Variants in MARCHF1 observed in about 807,000 individuals in gnomAD.
MARCHF1 encodes the protein membrane associated ring-CH-type finger 1.
A neutral mutation model predicts 54.2 loss-of-function variants in MARCHF1; 40 were observed. The ratio of observed to expected loss-of-function variants is 0.74; its 90% CI spans 0.57 to 0.96. MARCHF1 has a LOEUF of 0.96. Among genes scored for constraint, MARCHF1 ranks in the 40% least tolerant of loss-of-function variants. MARCHF1 has a pLI of 0.00. For missense variants in MARCHF1, 586 were observed against 656.5 expected (o/e 0.89, Z 1.17); for synonymous variants, 236 against 236.3 (o/e 1.00, Z 0.01).
At chr4:163,727,317 T>C (rs1205315136) in intron 4 of MARCHF1, among the ~76,000 whole-genome samples, 1 of 149,616 alleles carries the variant, frequency 6.7e-6, no homozygotes, top group Admixed American at 6.7e-5. Context: ...TTTTTTTCTT[T>C]TTTTTTTTTT....
chr4:163,941,793 A>C (rs866042550), intron 3 of MARCHF1, among the ~76,000 whole-genome samples: 35 of 152,298 alleles, frequency 2.3e-4, no homozygotes, highest in African/African-American at 7.9e-4. Context: ...CATTCAACAT[A>C]TGGAAAGTAC....
intron 4 of MARCHF1, among the ~76,000 whole-genome samples, chr4:163,751,702 C>T (rs1293945941): frequency 6.6e-6 from 1 of 152,034 alleles, no homozygotes; most frequent in Non-Finnish European, 1.5e-5. Flanking sequence ...CAGAGAAATG[C>T]ACTTAACATT....
chr4:164,224,276 C>T (rs7668234), intron 1 of MARCHF1, among the ~76,000 whole-genome samples: 140,734 of 151,692 alleles, frequency 0.93, 65,335 homozygotes, highest in African/African-American at 0.94. Context: ...TCATCATCTA[C>T]CATTAGCATT....
At chr4:163,904,086 A>G (rs1388328083) in intron 3 of MARCHF1, among the ~76,000 whole-genome samples, 1 of 152,202 alleles carries the variant, frequency 6.6e-6, no homozygotes, top group African/African-American at 2.4e-5. Flanking sequence ...TGTCATACTT[A>G]TAAGAATTAC....
At chr4:163,814,749 C>CA (rs894841033) in intron 4 of MARCHF1, among the ~76,000 whole-genome samples, 4 of 152,082 alleles carry the variant, frequency 2.6e-5, no homozygotes, top group Non-Finnish European at 5.9e-5. Context: ...TGGCTTTGGA[C>CA]AAATCATTTA....
chr4:163,926,653 AT>A (rs1751544646), intron 3 of MARCHF1, among the ~76,000 whole-genome samples: 1 of 151,688 alleles, frequency 6.6e-6, no homozygotes, highest in Admixed American at 6.6e-5. Flanking sequence ...AATATCAGTA[AT>A]TTTAAAAATG....
At chr4:163,905,043 T>C (rs1434426819) in intron 3 of MARCHF1, among the ~76,000 whole-genome samples, 1 of 152,156 alleles carries the variant, frequency 6.6e-6, no homozygotes, top group Non-Finnish European at 1.5e-5. Flanking sequence ...ATAAAAATTA[T>C]GTTCCATGTT....
chr4:163,705,479 C>G (rs1383535774), intron 4 of MARCHF1, among the ~76,000 whole-genome samples: 2 of 151,772 alleles, frequency 1.3e-5, no homozygotes, highest in Non-Finnish European at 2.9e-5. Context: ...CTAAAATTCC[C>G]AAAGAATAGA....
chr4:163,700,571 AGG>A (rs1744780804), intron 5 of MARCHF1, among the ~76,000 whole-genome samples: 1 of 151,500 alleles, frequency 6.6e-6, no homozygotes, highest in Admixed American at 6.6e-5. Flanking sequence ...GAAGGAAGGA[AGG>A]AAGGAAGGAA....
chr4:163,792,515 TTATATA>T (rs941283198), intron 4 of MARCHF1, among the ~76,000 whole-genome samples: 1 of 152,012 alleles, frequency 6.6e-6, no homozygotes, highest in South Asian at 2.1e-4. Flanking sequence ...TAAATTTGAA[TTATATA>T]TATATAATTC....
At chr4:163,904,476 C>A (rs2111316028) in intron 3 of MARCHF1, among the ~76,000 whole-genome samples, 1 of 152,198 alleles carries the variant, frequency 6.6e-6, no homozygotes, top group African/African-American at 2.4e-5. Context: ...CCAACAGGGA[C>A]AACAAACAGT....
intron 1 of MARCHF1, among the ~76,000 whole-genome samples, chr4:164,293,539 T>C (rs1013248734): frequency 2.0e-5 from 3 of 152,324 alleles, no homozygotes; most frequent in African/African-American, 7.2e-5. Flanking sequence ...TCAAATAAAC[T>C]CTGCTAAATG....
intron 1 of MARCHF1, among the ~76,000 whole-genome samples, chr4:164,322,440 G>T (rs756101248): frequency 1.3e-5 from 2 of 151,920 alleles, no homozygotes; most frequent in Non-Finnish European, 2.9e-5. Flanking sequence ...TGGGAGGTTG[G>T]GGGGAGGTGG....
At chr4:164,263,905 A>G (rs917067276) in intron 1 of MARCHF1, among the ~76,000 whole-genome samples, 8 of 152,176 alleles carry the variant, frequency 5.3e-5, no homozygotes, top group Non-Finnish European at 1.0e-4. Context: ...TGGGTGTGCA[A>G]ATCAGTTCAA....
chr4:164,189,616 G>A, intron 1 of MARCHF1: 1 of 916,898 alleles, frequency 1.1e-6, no homozygotes, highest in Non-Finnish European at 1.8e-6. Flanking sequence ...AGGTGACCTG[G>A]TAGTGCTTGA....
intron 4 of MARCHF1, among the ~76,000 whole-genome samples, chr4:163,782,507 C>G (rs111348426): frequency 0.02 from 3,070 of 151,606 alleles, 86 homozygotes; most frequent in African/African-American, 0.07. Flanking sequence ...CCCGTCTCTA[C>G]AAAGATACAA....
chr4:163,774,797 C>T (rs968161912), intron 4 of MARCHF1, among the ~76,000 whole-genome samples: 3 of 151,992 alleles, frequency 2.0e-5, no homozygotes, highest in Admixed American at 6.6e-5. Flanking sequence ...CGCCCAGTCA[C>T]GTTAGGCATT....
chr4:163,794,700 A>G (rs1720408148), intron 4 of MARCHF1, among the ~76,000 whole-genome samples: 3 of 152,214 alleles, frequency 2.0e-5, no homozygotes, highest in Admixed American at 1.3e-4. Context: ...TTAAACAGTG[A>G]ATAACTATCA....
intron 4 of MARCHF1, among the ~76,000 whole-genome samples, chr4:163,757,613 G>A (rs191972407): frequency 1.3e-5 from 2 of 151,888 alleles, no homozygotes; most frequent in Non-Finnish European, 1.5e-5. Context: ...ACATGGAAAA[G>A]AAAAATAGTT....
Sources: gnomAD v4.1 joint callset for allele counts (sites outside exome capture counted in the v4.1 genomes callset) on GRCh38, gnomAD v4.1.1 for gene constraint, MANE v1.5 for transcripts, NCBI Gene and HGNC (gene_info 2026-07-23, HGNC 2026-07-21) for gene names.